Variants in ARHGEF3 observed in about 807,000 individuals in gnomAD.
ARHGEF3 encodes the protein 59.8 kDA protein.
ARHGEF3 carries 28 observed loss-of-function variants against 63.2 expected under a neutral mutation model. The ratio of observed to expected loss-of-function variants is 0.44; its 90% CI spans 0.33 to 0.61. The LOEUF is 0.61. ARHGEF3 is among the 20% of genes least tolerant of loss of function. The probability of loss-of-function intolerance (pLI) is 0.03; values close to 1 mark genes in which losing one functional copy is unlikely to be tolerated. For missense variants in ARHGEF3, 533 were observed against 659.3 expected (o/e 0.81, Z 2.10); for synonymous variants, 266 against 254.2 (o/e 1.05, Z -0.44).
intron 1 of ARHGEF3, among the ~76,000 whole-genome samples, chr3:56,799,398 C>A (rs910486321): frequency 6.6e-6 from 1 of 152,186 alleles, no homozygotes; most frequent in African/African-American, 2.4e-5. Context: ...TCTGTTGCAA[C>A]GGCCTTTGAA....
At chr3:56,875,292 T>C (rs1383095721) in intron 4 of ARHGEF3, among the ~76,000 whole-genome samples, 1 of 152,164 alleles carries the variant, frequency 6.6e-6, no homozygotes, top group East Asian at 1.9e-4. Flanking sequence ...TCTATAGCAA[T>C]TTGGTCCCTT....
At position 56,865,493 on chromosome 3, in the gene ARHGEF3, T is replaced by G. The variant is rs530111345; in HGVS notation, c.192+16799A>C. ...TATAATTTTTTAAAGCCAATGTTTT[T>G]CAGTTACACATAATATTCAAATTTG... On this transcript the variant is annotated intron_variant, in intron 4 of 12. Transcript: ENST00000338458. Among the ~76,000 whole-genome samples the G allele has an allele frequency of 3.3e-5, 5 of 152,354 alleles. No individual in the cohort carries two copies. In the East Asian group the frequency reaches 9.6e-4, roughly 29 times the overall value.
chr3:56,873,937 G>A (rs2040509898), intron 4 of ARHGEF3, among the ~76,000 whole-genome samples: 1 of 152,180 alleles, frequency 6.6e-6, no homozygotes, highest in South Asian at 2.1e-4. Flanking sequence ...AGGTGAATAT[G>A]CTGACTTACA....
intron 1 of ARHGEF3, among the ~76,000 whole-genome samples, chr3:57,065,289 C>A (rs1560173281): frequency 6.6e-6 from 1 of 152,122 alleles, no homozygotes; most frequent in Non-Finnish European, 1.5e-5. Context: ...TGGTGAAACC[C>A]TATCTCTACG....
intron 4 of ARHGEF3, among the ~76,000 whole-genome samples, chr3:56,812,334 C>T (rs2038096127): frequency 6.6e-6 from 1 of 152,152 alleles, no homozygotes; most frequent in Non-Finnish European, 1.5e-5. Flanking sequence ...AGAAACGGCT[C>T]CTACAGTGTT....
intron 1 of ARHGEF3, among the ~76,000 whole-genome samples, chr3:57,063,317 G>T (rs549437048): frequency 4.6e-4 from 70 of 152,286 alleles, no homozygotes; most frequent in African/African-American, 1.7e-3. Context: ...TGGCTTTGTT[G>T]CAGTGAAATG....
chr3:57,002,470 ATATATATGTTATATATATATATATATGT>A (rs1365300428), intron 2 of ARHGEF3, among the ~76,000 whole-genome samples: 272 of 17,168 alleles, frequency 0.016, 32 homozygotes, highest in Middle Eastern at 0.038. Context: ...CACTATATAT[ATATATATGTTATATATATATATATATGT>A]TATATATATA....
chr3:57,017,467 G>C (rs1181617895), intron 2 of ARHGEF3, among the ~76,000 whole-genome samples: 2 of 152,204 alleles, frequency 1.3e-5, no homozygotes, highest in Non-Finnish European at 2.9e-5. Flanking sequence ...GGCCAATTGA[G>C]AGCTAAAAGG....
chr3:56,883,834 A>G (rs2108263446), intron 3 of ARHGEF3, among the ~76,000 whole-genome samples: 1 of 152,294 alleles, frequency 6.6e-6, no homozygotes, highest in East Asian at 1.9e-4. Flanking sequence ...CTTCAGTCCC[A>G]AAAGAAGTCA....
intron 2 of ARHGEF3, among the ~76,000 whole-genome samples, chr3:56,998,039 T>C (rs992067582): frequency 2.0e-5 from 3 of 152,184 alleles, no homozygotes; most frequent in Admixed American, 1.3e-4. Context: ...CAAGGTATAA[T>C]GTACAGTTGG....
intron 1 of ARHGEF3, among the ~76,000 whole-genome samples, chr3:57,077,467 C>G (rs1706271766): frequency 6.7e-6 from 1 of 149,552 alleles, no homozygotes; most frequent in Non-Finnish European, 1.5e-5. Flanking sequence ...TTCAGTGGGG[C>G]TCCAGGTTCA....
At chr3:56,926,428 C>G in intron 3 of ARHGEF3, among the ~76,000 whole-genome samples, 1 of 152,164 alleles carries the variant, frequency 6.6e-6, no homozygotes, top group Non-Finnish European at 1.5e-5. Flanking sequence ...TTGTCAAGAA[C>G]AGTGGCCATG....
intron 3 of ARHGEF3, among the ~76,000 whole-genome samples, chr3:56,956,731 T>C (rs925833806): frequency 6.6e-6 from 1 of 152,040 alleles, no homozygotes; most frequent in Non-Finnish European, 1.5e-5. Flanking sequence ...CTAATGACCA[T>C]TGTTGGAGCA....
upstream of ARHGEF3, chr3:56,802,056 T>G: frequency 7.6e-7 from 1 of 1,321,598 alleles, no homozygotes; most frequent in South Asian, 1.6e-5. Flanking sequence ...AGGGCCCACG[T>G]GCCGCAGCGC....
intron 7 of ARHGEF3, among the ~76,000 whole-genome samples, chr3:56,741,429 C>G (rs1370436801): frequency 6.6e-6 from 1 of 150,560 alleles, no homozygotes; most frequent in African/African-American, 2.4e-5. Flanking sequence ...GGTGATCCGC[C>G]TGCCTTGGCC....
rs547679828 is a variant in ARHGEF3 at position 57,044,084 on chromosome 3, C to T, written c.-27-8908G>A. ...CTCTGGTGCCTCCTTAGTGCCCCTG[C>T]CACACTCCTCCTTCACCCAATCACA... On this transcript the variant is annotated intron_variant, in intron 1 of 12. Coordinates refer to the ARHGEF3 transcript ENST00000338458. Among the ~76,000 whole-genome samples, 5 of 152,326 alleles carry T rather than the reference C, an allele frequency of 3.3e-5. No individual in the cohort carries two copies. In the East Asian group the frequency reaches 9.7e-4, roughly 29 times the overall value.
chr3:56,789,521 G>A (rs528698748), intron 1 of ARHGEF3, among the ~76,000 whole-genome samples: 1 of 152,268 alleles, frequency 6.6e-6, no homozygotes, highest in East Asian at 1.9e-4. Flanking sequence ...CTTAGTATCT[G>A]AAATTTGGGT....
At chr3:56,902,233 T>C (rs1194762285) in intron 3 of ARHGEF3, among the ~76,000 whole-genome samples, 1 of 152,238 alleles carries the variant, frequency 6.6e-6, no homozygotes, top group Non-Finnish European at 1.5e-5. Context: ...ACTGCACAAG[T>C]GCCATGAGTA....
intron 4 of ARHGEF3, among the ~76,000 whole-genome samples, chr3:56,838,105 G>A (rs1559981665): frequency 6.6e-6 from 1 of 152,064 alleles, no homozygotes; most frequent in Non-Finnish European, 1.5e-5. Context: ...TACTCCATGG[G>A]CTAAATACAG....
Sources: allele counts gnomAD v4.1 joint callset (sites outside exome capture counted in the v4.1 genomes callset), GRCh38; gene constraint gnomAD v4.1.1; transcripts MANE v1.5; gene names NCBI Gene and HGNC (gene_info 2026-07-23, HGNC 2026-07-21).